DCDC2C: variants seen among roughly 807,000 people sequenced by gnomAD.
The protein encoded by DCDC2C is doublecortin domain-containing protein 2C.
In DCDC2C, 44 loss-of-function variants were observed where a neutral mutation model predicts 45.0. That is an observed-to-expected ratio of 0.98 (90% CI 0.77 to 1.26). The LOEUF is 1.26. Among genes scored for constraint, DCDC2C ranks in the 50% most tolerant of loss-of-function variants. The probability of loss-of-function intolerance (pLI) is 0.00; values close to 1 mark genes in which losing one functional copy is unlikely to be tolerated. For missense variants in DCDC2C, 447 were observed against 468.9 expected, an observed-to-expected ratio of 0.95 and a Z score of 0.43; for synonymous variants, 187 against 178.8, an observed-to-expected ratio of 1.05 and a Z score of -0.37.
At chr2:3,721,219 T>C (rs920680752) in intron 2 of DCDC2C, among the ~76,000 whole-genome samples, 3 of 152,190 alleles carry the variant, frequency 2.0e-5, no homozygotes, top group African/African-American at 7.2e-5. Context: ...TCTATTTTTT[T>C]CCCTGTTTTC....
chr2:3,830,453 G>T (rs1006398291), intron 10 of DCDC2C, among the ~76,000 whole-genome samples: 1 of 152,188 alleles, frequency 6.6e-6, no homozygotes, highest in Non-Finnish European at 1.5e-5. Flanking sequence ...CTGTCGAGGG[G>T]CTGTATCCAC....
chr2:3,765,341 G>GTTAGAT (rs1445046973), intron 6 of DCDC2C, among the ~76,000 whole-genome samples: 2 of 152,150 alleles, frequency 1.3e-5, no homozygotes, highest in Non-Finnish European at 2.9e-5. Flanking sequence ...GTTATGTCAG[G>GTTAGAT]GTGTCATAGG....
intron 2 of DCDC2C, among the ~76,000 whole-genome samples, chr2:3,716,168 G>T (rs1433777917): frequency 2.0e-5 from 3 of 152,184 alleles, no homozygotes; most frequent in African/African-American, 7.2e-5. Context: ...AGATCATTGT[G>T]GTGGCGTTGG....
At position 3,707,953 on chromosome 2, in the gene DCDC2C, ATTAT is replaced by A. The variant is rs1276962006; in HGVS notation, c.288-590_288-587del. ...TAGTATCAGATATAAATTTGAAGGT[ATTAT>A]TTATTACCCATGAAAACATTTTATT... On this transcript the variant is annotated intron_variant, in intron 1 of 10. Coordinates refer to ENST00000399143, the MANE Select transcript of DCDC2C (RefSeq NM_001287444.2). Among the ~76,000 whole-genome samples the A allele has an allele frequency of 3.3e-5, 5 of 152,288 alleles. No individual in the cohort carries two copies. The South Asian group carries it at 1.0e-3, about 32-fold the overall frequency.
chr2:3,739,753 C>A (rs1669147713), intron 3 of DCDC2C, among the ~76,000 whole-genome samples: 3 of 152,170 alleles, frequency 2.0e-5, no homozygotes, highest in Admixed American at 1.3e-4. Context: ...GGCCAGAACC[C>A]GGGATACAAA....
intron 10 of DCDC2C, among the ~76,000 whole-genome samples, chr2:3,846,094 C>T (rs1672320808): frequency 6.6e-6 from 1 of 150,734 alleles, no homozygotes; most frequent in Non-Finnish European, 1.5e-5. Flanking sequence ...TCATGTTTTT[C>T]TTTCCCTCCT....
chr2:3,821,381 A>G (rs962851003), intron 10 of DCDC2C, among the ~76,000 whole-genome samples: 1 of 151,828 alleles, frequency 6.6e-6, no homozygotes, highest in Non-Finnish European at 1.5e-5. Context: ...TTTTTTTCCT[A>G]TGTGGATGCT....
At chr2:3,799,999 G>T (rs1245938477) in intron 10 of DCDC2C, among the ~76,000 whole-genome samples, 1 of 152,320 alleles carries the variant, frequency 6.6e-6, no homozygotes, top group Non-Finnish European at 1.5e-5. Context: ...ATCTCAGACT[G>T]CTGTGCTAGC....
At chr2:3,705,254 G>GT (rs1258942389) in intron 1 of DCDC2C, among the ~76,000 whole-genome samples, 1 of 152,198 alleles carries the variant, frequency 6.6e-6, no homozygotes, top group African/African-American at 2.4e-5. Flanking sequence ...AAGAAAAGTC[G>GT]TAAGTCACAG....
intron 10 of DCDC2C, among the ~76,000 whole-genome samples, chr2:3,829,709 C>T (rs1671908218): frequency 1.3e-5 from 2 of 152,150 alleles, no homozygotes; most frequent in Admixed American, 6.5e-5. Flanking sequence ...CAGGCTTCTG[C>T]TCATTTTCCC....
intron 6 of DCDC2C, among the ~76,000 whole-genome samples, chr2:3,762,637 AACTC>A (rs1393675976): frequency 4.6e-5 from 7 of 152,072 alleles, no homozygotes; most frequent in Non-Finnish European, 1.0e-4. Context: ...ATCTCGTGAG[AACTC>A]ACTCACTGCT....
At chr2:3,792,164 G>C (rs534419151) in intron 10 of DCDC2C, among the ~76,000 whole-genome samples, 1 of 152,192 alleles carries the variant, frequency 6.6e-6, no homozygotes, top group Admixed American at 6.5e-5. Context: ...GGTATCTCCC[G>C]TGGGGTTAGA....
intron 3 of DCDC2C, among the ~76,000 whole-genome samples, chr2:3,740,477 A>G (rs559852466): frequency 6.6e-6 from 1 of 152,244 alleles, no homozygotes; most frequent in Non-Finnish European, 1.5e-5. Flanking sequence ...AAGATTATAA[A>G]TTAAATTTCT....
chr2:3,790,862 A>G (rs1177432774), intron 10 of DCDC2C, among the ~76,000 whole-genome samples: 2 of 152,172 alleles, frequency 1.3e-5, no homozygotes, highest in African/African-American at 4.8e-5. Flanking sequence ...TAATCCTAGC[A>G]CTTTGGGAGG....
intron 3 of DCDC2C, among the ~76,000 whole-genome samples, chr2:3,739,580 T>TGGCTGGGGCAGTTAGAGGAG (rs1400816026): frequency 6.6e-6 from 1 of 152,218 alleles, no homozygotes; most frequent in African/African-American, 2.4e-5. Flanking sequence ...ACACAGAGTT[T>TGGCTGGGGCAGTTAGAGGAG]GGCTGGGGCA....
rs116147804 is a variant in DCDC2C at position 3,735,626 on chromosome 2, G to A, written c.417-6294G>A. Among the ~76,000 whole-genome samples the A allele has an allele frequency of 3.7e-3, 567 of 152,252 alleles. 1 individual carries two copies. Among genetic ancestry groups the A allele is most frequent in the Non-Finnish European group, 5.8e-3 (394 of 68,036 alleles). On this transcript the variant is annotated intron_variant, in intron 3 of 10. Coordinates refer to ENST00000399143, the MANE Select transcript of DCDC2C (RefSeq NM_001287444.2). ...GGTAGGGGCCTCAGTAAATCCTTGA[G>A]GCATAACGGTCCAGGAATATGGTTC...
chr2:3,829,284 CTTTTTTTTT>C (rs5828893), intron 10 of DCDC2C, among the ~76,000 whole-genome samples: 2 of 129,592 alleles, frequency 1.5e-5, no homozygotes, highest in Admixed American at 7.7e-5. Flanking sequence ...ATGTCTTTTT[CTTTTTTTTT>C]TTTTTTTGCA....
chr2:3,777,115 G>C (rs756992236), intron 8 of DCDC2C, among the ~76,000 whole-genome samples: 1 of 152,184 alleles, frequency 6.6e-6, no homozygotes, highest in African/African-American at 2.4e-5. Context: ...GAAGCTCAGC[G>C]CTTCTTCCTG....
At chr2:3,759,259 G>A (rs1669811908) in intron 6 of DCDC2C, among the ~76,000 whole-genome samples, 1 of 152,100 alleles carries the variant, frequency 6.6e-6, no homozygotes, top group Non-Finnish European at 1.5e-5. Context: ...CAGGTGATTT[G>A]TTTCTGTTAT....
Sources: allele counts gnomAD v4.1 joint callset (sites outside exome capture counted in the v4.1 genomes callset), GRCh38; gene constraint gnomAD v4.1.1; transcripts MANE v1.5; gene names NCBI Gene and HGNC (gene_info 2026-07-23, HGNC 2026-07-21).